NEK10: variants seen among roughly 807,000 people sequenced by gnomAD.
NEK10 encodes NIMA related kinase 10.
Under a neutral mutation model 159.8 loss-of-function variants are expected in NEK10, and 122 were observed. The observed-to-expected ratio is 0.76, with a 90% CI of 0.66 to 0.89. The LOEUF is 0.89. Ranked by LOEUF, NEK10 falls within the 40% of genes least tolerant of loss-of-function variation. The probability of loss-of-function intolerance (pLI) is 0.00; values close to 1 mark genes in which losing one functional copy is unlikely to be tolerated. For synonymous variants in NEK10, 466 were observed against 457.1 expected, an observed-to-expected ratio of 1.02 and a Z score of -0.25; for missense variants, 1,342 against 1,323.1, an observed-to-expected ratio of 1.01 and a Z score of -0.22.
In NEK10 at chr3:27,228,054, C is replaced by T. The variant is rs1233842579; in HGVS notation, c.2091-25497G>A. ...CAATAGTCAAGAAGTGAACATTTTC[C>T]TTGATAAAATGAGAAAACGATCACC... On this transcript the variant is annotated intron_variant, in intron 23 of 35. Transcript: ENST00000691995. Among the ~76,000 whole-genome samples the T allele has an allele frequency of 1.4e-4, 21 of 152,196 alleles. 1 individual carries two copies. Among genetic ancestry groups the T allele is most frequent in the East Asian group, 7.7e-4 (4 of 5,188 alleles).
chr3:27,141,748 A>C (rs1943806319), intron 30 of NEK10, among the ~76,000 whole-genome samples, 166 bp from the exon 31 acceptor site: 1 of 152,184 alleles, frequency 6.6e-6, no homozygotes, highest in African/African-American at 2.4e-5. Flanking sequence ...ACATGGAATA[A>C]AAAATATCTT....
At chr3:27,364,074 G>T (rs1343611008) in intron 1 of NEK10, among the ~76,000 whole-genome samples, 3 of 151,976 alleles carry the variant, frequency 2.0e-5, no homozygotes, top group Non-Finnish European at 4.4e-5. Context: ...GATAGCTGTT[G>T]TAAGTATTAA....
intron 5 of NEK10, among the ~76,000 whole-genome samples, chr3:27,324,206 C>G (rs973026024): frequency 1.3e-5 from 2 of 152,176 alleles, no homozygotes; most frequent in Non-Finnish European, 2.9e-5. Context: ...CCAGTTATAG[C>G]TAGTAGTAAA....
At chr3:27,263,278 G>A (rs1175254790) in intron 22 of NEK10, among the ~76,000 whole-genome samples, 1 of 152,230 alleles carries the variant, frequency 6.6e-6, no homozygotes, top group Non-Finnish European at 1.5e-5. Context: ...ACCCACTTGA[G>A]GAGACAGTCT....
rs1947315580 is a variant in NEK10, at chr3:27,174,516, G to A, written c.2699C>T (p.Ser900Leu). The A allele has an allele frequency of 6.2e-7, 1 of 1,611,810 alleles. No individual in the cohort carries two copies. ...AATGTCCAATTCATCATCTACCTCT[G>A]AATATGTATCTGCACATTAATAAAA... is the stretch of plus-strand genomic sequence containing the variant. ...NLENAEKDTY[S>L]EVDDELDISD... Residue 900 changes from serine to leucine, a missense_variant, in exon 28 of 36, where the codon TCA (serine) becomes TTA (leucine). By Grantham distance (145) the Ser-to-Leu change is moderately radical (BLOSUM62 -2). Transcript: ENST00000691995.
At chr3:27,129,270 T>C (rs1474984863) in intron 32 of NEK10, among the ~76,000 whole-genome samples, 1 of 152,140 alleles carries the variant, frequency 6.6e-6, no homozygotes, top group Admixed American at 6.6e-5. Flanking sequence ...TCTTAGGCTA[T>C]TAGTAAGTAG....
At chr3:27,183,613 C>CA (rs553027891) in intron 26 of NEK10, among the ~76,000 whole-genome samples, 84 of 151,738 alleles carry the variant, frequency 5.5e-4, no homozygotes, top group African/African-American at 1.9e-3. Flanking sequence ...TCTGTTTATC[C>CA]AAAAAATGTC....
chr3:27,322,026 T>C (rs2045675673), intron 6 of NEK10, 151 bp downstream of exon 6: 2 of 531,742 alleles, frequency 3.8e-6, no homozygotes, highest in African/African-American at 3.8e-5. Context: ...TCTTTTTAAA[T>C]AGTAGATGAG....
intron 7 of NEK10, among the ~76,000 whole-genome samples, chr3:27,313,670 C>T (rs2044897306): frequency 6.6e-6 from 1 of 152,084 alleles, no homozygotes; most frequent in Admixed American, 6.6e-5. Flanking sequence ...TTCCTCCCAC[C>T]ATATGGTATA....
At chr3:27,328,276 T>G (rs954870837) in intron 5 of NEK10, among the ~76,000 whole-genome samples, 7 of 152,208 alleles carry the variant, frequency 4.6e-5, no homozygotes, top group African/African-American at 1.7e-4. Context: ...GCACTTGTAC[T>G]CATGGAGCTT....
chr3:27,363,250 C>A (rs1436169641), intron 1 of NEK10, among the ~76,000 whole-genome samples: 2 of 152,192 alleles, frequency 1.3e-5, no homozygotes, highest in African/African-American at 4.8e-5. Flanking sequence ...AGGGTCACAA[C>A]CCTGCCAAGC....
In NEK10 at chr3:27,162,737, C is replaced by T; in HGVS notation, c.2833G>A (p.Asp945Asn). The change falls in exon 30 of 36, where the codon GAC (aspartate) becomes AAC (asparagine). Residue 945 changes from aspartate (D) to asparagine (N), a missense_variant and splice_region_variant. Coordinates refer to ENST00000691995, the MANE Select transcript of NEK10 (RefSeq NM_001394966.1). Reference sequence around the variant, plus strand: ...CTTGATCCTGTTCCTCCAGTGAAGTCCCTGAAAATAGAATTACAGGCCATT... The same window carrying T: ...CTTGATCCTGTTCCTCCAGTGAAGTTCCTGAAAATAGAATTACAGGCCATT... The part of the protein sequence containing the change: ...SGGERQSQTR[D>N]FTGGTGSRPR... 5 of 1,614,040 alleles carry T rather than the reference C, an allele frequency of 3.1e-6. No homozygotes were observed. The highest frequency in any genetic ancestry group is 4.2e-6 in the Non-Finnish European group (5 of 1,179,970).
chr3:27,291,971 C>T (rs75746712), intron 16 of NEK10, among the ~76,000 whole-genome samples: 2,250 of 152,150 alleles, frequency 0.015, 30 homozygotes, highest in Non-Finnish European at 0.027. Context: ...GCAGCTCACT[C>T]ACTGATTAAT....
At chr3:27,305,627 A>T (rs566268208) in intron 11 of NEK10, among the ~76,000 whole-genome samples, 6,086 of 140,682 alleles carry the variant, frequency 0.043, 197 homozygotes, top group Middle Eastern at 0.079. Context: ...AAAAAAAAAA[A>T]AAATAATAAT....
chr3:27,209,362 G>C (rs1174236731), intron 23 of NEK10, among the ~76,000 whole-genome samples: 1 of 152,100 alleles, frequency 6.6e-6, no homozygotes, highest in Non-Finnish European at 1.5e-5. Flanking sequence ...CACTATCTAT[G>C]GTTTTCTGCA....
At chr3:27,130,086 C>T (rs924291785) in intron 32 of NEK10, among the ~76,000 whole-genome samples, 2 of 152,036 alleles carry the variant, frequency 1.3e-5, no homozygotes, top group Non-Finnish European at 2.9e-5. Context: ...GGAATGGAAC[C>T]ACACTTCTGT....
chr3:27,150,456 A>C (rs1395417323), intron 30 of NEK10, among the ~76,000 whole-genome samples: 1 of 152,184 alleles, frequency 6.6e-6, no homozygotes, highest in African/African-American at 2.4e-5. Context: ...CAAAAATACT[A>C]GAGCCCTTAA....
rs144231589 is a variant in NEK10 at position 27,146,149 on chromosome 3, T to A, written c.2870-4567A>T. ...GGAAGCATTAGGTCTTTACAGCTAG[T>A]GCTGTGCACTACATTCTGCTTTAGT... On this transcript the variant is annotated intron_variant, in intron 30 of 35. Transcript: ENST00000691995. 4.2e-3 allele frequency among the ~76,000 whole-genome samples: 641 copies of A among 152,350 alleles called. 6 individuals carry two copies. The highest frequency in any genetic ancestry group is 0.014 in the African/African-American group (569 of 41,588).
chr3:27,229,127 T>C (rs1410860572), intron 23 of NEK10, among the ~76,000 whole-genome samples: 1 of 152,138 alleles, frequency 6.6e-6, no homozygotes, highest in Non-Finnish European at 1.5e-5. Flanking sequence ...GAGAATGAGA[T>C]AAGCTTCAAG....
Sources: allele counts gnomAD v4.1 joint callset (sites outside exome capture counted in the v4.1 genomes callset), GRCh38; gene constraint gnomAD v4.1.1; transcripts MANE v1.5; gene names NCBI Gene and HGNC (gene_info 2026-07-23, HGNC 2026-07-21).